CCNB3: variants seen among roughly 807,000 people sequenced by gnomAD.
CCNB3 encodes the protein cyclin B3.
Under a neutral mutation model 68.0 loss-of-function variants are expected in CCNB3, and 12 were observed. That is an observed-to-expected ratio of 0.18 (90% CI 0.11 to 0.29). The LOEUF (loss-of-function observed/expected upper bound fraction) is 0.29, where lower values mean the gene tolerates loss of function less well. Among genes scored for constraint, CCNB3 ranks in the 10% least tolerant of loss-of-function variants. The pLI, the probability that CCNB3 is intolerant of heterozygous loss-of-function variation, is 1.00. For synonymous variants in CCNB3, 354 were observed against 388.9 expected, an observed-to-expected ratio of 0.91 and a Z score of 1.06; for missense variants, 904 against 993.1, an observed-to-expected ratio of 0.91 and a Z score of 1.21.
In CCNB3 at chrX:50,312,590, A is replaced by G; in HGVS notation, c.3381A>G (p.Pro1127=). Residue 1127 remains proline, a synonymous_variant, in exon 7 of 13, where the codon CCA becomes CCG. Coordinates refer to ENST00000376042, the MANE Select transcript of CCNB3 (RefSeq NM_033031.3). ...ACAGCAGTGATCCAAGTTTCAACCC[A>G]ATGTATGCCAAGGAAATCTTCAGTT... is the stretch of plus-strand genomic sequence containing the variant. ...DEDSSDPSFN[P]MYAKEIFSYM... The G allele has an allele frequency of 8.3e-7, 1 of 1,206,594 alleles. No homozygotes were observed. Among genetic ancestry groups the G allele is most frequent in the Non-Finnish European group, 1.1e-6 (1 of 892,138 alleles).
chrX:50,342,473 A>G (rs1923190422), intron 9 of CCNB3, 134 bp downstream of exon 9: 1 of 582,232 alleles, frequency 1.7e-6, no homozygotes, highest in Non-Finnish European at 2.5e-6. Flanking sequence ...TGCTTATACT[A>G]TGGTGGTCCC....
At chrX:50,279,511 T>A (rs1299665292) in intron 1 of CCNB3, among the ~76,000 whole-genome samples, 4 of 83,418 alleles carry the variant, frequency 4.8e-5, no homozygotes, top group African/African-American at 1.8e-4. Context: ...ATGAATGTAT[T>A]TATTCATATA....
At chrX:50,334,665 A>G (rs1557218574) in intron 8 of CCNB3, among the ~76,000 whole-genome samples, 2 of 112,425 alleles carry the variant, frequency 1.8e-5, no homozygotes, top group African/African-American at 6.5e-5. Flanking sequence ...CATAGAGTGT[A>G]AAGGGCTTTG....
At chrX:50,343,060 A>T (rs1923216043) in intron 9 of CCNB3, among the ~76,000 whole-genome samples, 1 of 111,564 alleles carries the variant, frequency 9.0e-6, no homozygotes, top group Non-Finnish European at 1.9e-5. Flanking sequence ...ACTGTAAAAT[A>T]GCCTCAGGAT....
chrX:50,351,816 A>G lies in CCNB3; in HGVS notation c.*113A>G. 1 of 489,072 alleles carries G rather than the reference A, an allele frequency of 2.0e-6. No homozygotes were observed. Among genetic ancestry groups the G allele is most frequent in the Non-Finnish European group, 3.3e-6 (1 of 304,394 alleles). The allele number at this position is 489,072 out of a possible 1,213,427, so 40.3% of individuals were successfully genotyped here. On this transcript the variant is annotated 3_prime_UTR_variant, in exon 13 of 13. Transcript: ENST00000376042. ...CCTTTCTTTGTCTTTTCCCAAACTG[A>G]TAATGTTATAAATATTTATGTTGCT...
chrX:50,288,461 A>T (rs1557209640), intron 3 of CCNB3, among the ~76,000 whole-genome samples: 1 of 111,487 alleles, frequency 9.0e-6, no homozygotes, highest in Non-Finnish European at 1.9e-5. Flanking sequence ...TACCTTGGAT[A>T]GGATAACCGT....
Position 50,351,620 on chromosome X carries a change from G to A in CCNB3, c.4105G>A (p.Val1369Ile), listed in dbSNP as rs782056499. The A allele has an allele frequency of 1.8e-4, 214 of 1,209,410 alleles. No homozygotes were observed. Among genetic ancestry groups the A allele is most frequent in the Non-Finnish European group, 2.3e-4 (207 of 894,869 alleles). The change falls in exon 13 of 13, where the codon GTC becomes ATC. Residue 1369 changes from valine to isoleucine, a missense_variant. By Grantham distance (29) the Val-to-Ile change is conservative. Around this residue, in one of 2 missense-constraint regions of CCNB3, gnomAD observed 285 missense variants for 383.4 expected, o/e 0.74. Coordinates refer to ENST00000376042, the MANE Select transcript of CCNB3 (RefSeq NM_033031.3). The stretch of plus-strand genomic sequence containing the variant: ...TTCCTTTTGCAGGGTCTTCTTTGAA[G>A]TCGCCAAAATCCCTGCCTTGGATAT... Reference protein sequence around the residue: ...YKYSHPVFFEVAKIPALDMLK... With the variant: ...YKYSHPVFFEIAKIPALDMLK...
chrX:50,351,553 G>C (rs1026609916), intron 12 of CCNB3, 54 bp from the exon 13 acceptor site: 18 of 1,108,325 alleles, frequency 1.6e-5, no homozygotes, highest in Middle Eastern at 2.6e-4. Context: ...GTTCCATAGA[G>C]CATGATTGTA....
chrX:50,227,941 AATAT>A (rs1297464162), intron 1 of CCNB3, among the ~76,000 whole-genome samples: 2 of 79,086 alleles, frequency 2.5e-5, no homozygotes, highest in Admixed American at 1.8e-4. Flanking sequence ...AATATATATA[AATAT>A]ATAGAGAGAA....
intron 1 of CCNB3, among the ~76,000 whole-genome samples, chrX:50,223,594 G>A (rs1935707519): frequency 8.9e-6 from 1 of 112,069 alleles, no homozygotes; most frequent in African/African-American, 3.2e-5. Context: ...CACCAGCAGA[G>A]GCTGCAGAAA....
intron 5 of CCNB3, among the ~76,000 whole-genome samples, chrX:50,296,981 CT>C (rs1273581697): frequency 4.5e-5 from 5 of 110,378 alleles, no homozygotes; most frequent in African/African-American, 1.3e-4. Context: ...GGGTTGTTTG[CT>C]TTTTTCTTGT....
At chrX:50,345,697 G>T (rs1247661160) in intron 9 of CCNB3, among the ~76,000 whole-genome samples, 2 of 111,666 alleles carry the variant, frequency 1.8e-5, no homozygotes, top group Non-Finnish European at 3.8e-5. Context: ...AGTACAGAAA[G>T]CCTTTTGTTT....
rs138513040 is a variant in CCNB3, at chrX:50,311,153, C to A, written c.2984C>A (p.Thr995Asn). 157 of 1,206,345 alleles carry A rather than the reference C, an allele frequency of 1.3e-4. No homozygotes were observed. In the African/African-American group the frequency reaches 2.1e-3, roughly 16 times the overall value. Residue 995 changes from threonine (T) to asparagine (N), a missense_variant, in exon 6 of 13, where the codon ACC becomes AAC. This residue lies in a region of CCNB3 where 285 missense variants were observed against 383.4 expected (regional missense o/e 0.74). Transcript: ENST00000376042. ...ITSKSSIATM[T>N]SVGKSGTINE... ...AGCAAGTCCAGCATTGCTACCATGA[C>A]CAGTGTGGGCAAATCTGGTACCATC...
At chrX:50,344,897 G>A (rs1436045092) in intron 9 of CCNB3, among the ~76,000 whole-genome samples, 1 of 111,173 alleles carries the variant, frequency 9.0e-6, no homozygotes, top group Non-Finnish European at 1.9e-5. Context: ...CCTTCAGCTA[G>A]GCTAGTTGTA....
chrX:50,320,604 T>G (rs2054068634), intron 8 of CCNB3, among the ~76,000 whole-genome samples: 1 of 110,258 alleles, frequency 9.1e-6, no homozygotes, highest in African/African-American at 3.3e-5. Flanking sequence ...TATAATTTTA[T>G]AATTTTTATA....
intron 5 of CCNB3, among the ~76,000 whole-genome samples, chrX:50,299,171 C>G (rs1190071082): frequency 9.0e-6 from 1 of 111,459 alleles, no homozygotes; most frequent in Non-Finnish European, 1.9e-5. Context: ...TTGCCTTCTG[C>G]TAGCTTTTGA....
In CCNB3 at chrX:50,210,716, G is replaced by C. The variant is rs1292377803; in HGVS notation, c.-113+5766G>C. Among the ~76,000 whole-genome samples the C allele has an allele frequency of 2.7e-5, 3 of 111,704 alleles. No individual in the cohort carries two copies. The Admixed American group carries it at 2.9e-4, about 11-fold the overall frequency. ...ATCAGACTGCTTGTGTTTAAATTCT[G>C]GCTGTAATGTTTAAAACATTCATTC... On this transcript the variant is annotated intron_variant, in intron 1 of 12. Transcript: ENST00000376042.
intron 8 of CCNB3, among the ~76,000 whole-genome samples, chrX:50,332,710 G>A (rs1031110670): frequency 1.8e-5 from 2 of 111,280 alleles, no homozygotes; most frequent in Admixed American, 9.5e-5. Context: ...TCAGGATGAC[G>A]GTCTGAGGTC....
intron 8 of CCNB3, among the ~76,000 whole-genome samples, chrX:50,332,733 G>T (rs955362323): frequency 6.3e-5 from 7 of 111,638 alleles, no homozygotes; most frequent in Non-Finnish European, 1.3e-4. Flanking sequence ...TTCCACTGTG[G>T]CCGCAAAGGG....
Sources: gnomAD v4.1 joint callset for allele counts (sites outside exome capture counted in the v4.1 genomes callset) on GRCh38, gnomAD v4.1.1 for gene constraint, gnomAD v4.1.1 regional missense constraint, MANE v1.5 for transcripts, NCBI Gene and HGNC (gene_info 2026-07-23, HGNC 2026-07-21) for gene names.